ESYT3: variants seen among roughly 807,000 people sequenced by gnomAD.
ESYT3 encodes extended synaptotagmin-3.
ESYT3 carries 101 observed loss-of-function variants against 111.5 expected under a neutral mutation model. The ratio of observed to expected loss-of-function variants is 0.91; its 90% CI spans 0.77 to 1.07. The LOEUF (loss-of-function observed/expected upper bound fraction) is 1.07. Ranked by LOEUF, ESYT3 falls within the 50% of genes least tolerant of loss-of-function variation. The pLI is 0.00. For missense variants in ESYT3, 1,097 were observed against 1,109.4 expected (o/e 0.99, Z 0.16); for synonymous variants, 416 against 446.8 (o/e 0.93, Z 0.87).
chr3:138,465,273 C>A, intron 9 of ESYT3, 66 bp from the exon 10 acceptor site: 1 of 1,243,618 alleles, frequency 8.0e-7, no homozygotes, highest in South Asian at 1.4e-5. Context: ...CATGATTTGG[C>A]TCCCTTTGGG....
At chr3:138,471,321 C>T (rs1162444269) in intron 17 of ESYT3, among the ~76,000 whole-genome samples, 1 of 152,216 alleles carries the variant, frequency 6.6e-6, no homozygotes, top group Non-Finnish European at 1.5e-5. Context: ...TATTTCCCTT[C>T]TCTGTATTCA....
At chr3:138,447,267 G>T (rs1175847068) in intron 1 of ESYT3, among the ~76,000 whole-genome samples, 1 of 152,158 alleles carries the variant, frequency 6.6e-6, no homozygotes, top group Admixed American at 6.5e-5. Flanking sequence ...AATTAATCAT[G>T]TACTAGGCCA....
chr3:138,467,628 ACC>A lies in ESYT3; in HGVS notation c.1218+21_1218+22del. The A allele has an allele frequency of 6.2e-7, 1 of 1,613,536 alleles. No homozygotes were observed. The highest frequency in any genetic ancestry group is 8.5e-7 in the Non-Finnish European group (1 of 1,179,688). On this transcript the variant is annotated intron_variant, in intron 11 of 22. Coordinates refer to ENST00000389567, the MANE Select transcript of ESYT3 (RefSeq NM_031913.5). Reference sequence around the variant, plus strand: ...GGATGAGGTACAGTTGGTGCTTGCAACCCTCGGGGGAGTTTCAAGGTAGCCCT... The same window carrying A: ...GGATGAGGTACAGTTGGTGCTTGCAACTCGGGGGAGTTTCAAGGTAGCCCT...
In ESYT3 at chr3:138,475,210, A is replaced by G. The variant is rs974103217; in HGVS notation, c.2468+858A>G. Among the ~76,000 whole-genome samples, 6 of 152,148 alleles carry G rather than the reference A, an allele frequency of 3.9e-5. 1 individual carries two copies. Among genetic ancestry groups the G allele is most frequent in the Non-Finnish European group, 5.9e-5 (4 of 68,030 alleles). ...TACTCTAGAGCCACACAAGTAAGAG[A>G]TTTTGCCTTCAAAGGGAGCTCTGAC... On this transcript the variant is annotated intron_variant, in intron 20 of 22. Coordinates refer to ENST00000389567, the MANE Select transcript of ESYT3 (RefSeq NM_031913.5).
intron 9 of ESYT3, among the ~76,000 whole-genome samples, chr3:138,464,932 C>CCCTCTCAACTTCT (rs1240833652): frequency 6.6e-6 from 1 of 152,174 alleles, no homozygotes; most frequent in East Asian, 1.9e-4. Context: ...CTTAGGTGAC[C>CCCTCTCAACTTCT]CCTCTCAACT....
chr3:138,451,428 T>A (rs1332912358), intron 1 of ESYT3, among the ~76,000 whole-genome samples: 3 of 152,202 alleles, frequency 2.0e-5, no homozygotes, highest in Non-Finnish European at 2.9e-5. Context: ...TTCCCTAATA[T>A]TTTTTCTTTT....
At chr3:138,436,650 A>T (rs1019240913) in intron 1 of ESYT3, among the ~76,000 whole-genome samples, 3 of 152,202 alleles carry the variant, frequency 2.0e-5, no homozygotes, top group Non-Finnish European at 2.9e-5. Flanking sequence ...CCTGACTCCC[A>T]CAGACTTTGG....
At chr3:138,470,401 C>T in intron 16 of ESYT3, 1 of 1,185,752 alleles carries the variant, frequency 8.4e-7, no homozygotes, top group Non-Finnish European at 1.1e-6. Context: ...TTTATATTTG[C>T]TACACAGTAC....
At chr3:138,455,372 C>G (rs771223316) in intron 3 of ESYT3, 44 bp downstream of exon 3, 2 of 1,607,374 alleles carry the variant, frequency 1.2e-6, no homozygotes, top group Non-Finnish European at 1.7e-6. Flanking sequence ...GCTGTGCAGT[C>G]TTCTCTCTGT....
intron 1 of ESYT3, among the ~76,000 whole-genome samples, chr3:138,447,918 A>G (rs2031650435): frequency 6.6e-6 from 1 of 152,068 alleles, no homozygotes; most frequent in African/African-American, 2.4e-5. Flanking sequence ...TAAAATTCAT[A>G]CAGAACAATA....
chr3:138,449,374 T>TAGTTCA (rs1175511472), intron 1 of ESYT3, among the ~76,000 whole-genome samples: 4 of 152,048 alleles, frequency 2.6e-5, no homozygotes, highest in Non-Finnish European at 5.9e-5. Context: ...GCATGAGACA[T>TAGTTCA]AGTTCCCGGC....
rs2108633362 is a variant in ESYT3 at position 138,476,253 on chromosome 3, AAAG to A, written c.2504_2506del (p.Lys835del). On this transcript the variant is annotated inframe_deletion, in exon 21 of 23. Coordinates refer to ENST00000389567, the MANE Select transcript of ESYT3 (RefSeq NM_031913.5). ...AATTTTTTGTTCCCATGGAAGAAGT[AAAG>A]AAGAGGTCACTAGATGTTGCAGTGA... is the stretch of plus-strand genomic sequence containing the variant. 1.2e-6 allele frequency: 2 copies of A among 1,613,724 alleles called. No homozygotes were observed. The highest frequency in any genetic ancestry group is 2.2e-5 in the East Asian group (1 of 44,874).
At chr3:138,441,372 G>A (rs1472807988) in intron 1 of ESYT3, among the ~76,000 whole-genome samples, 1 of 152,194 alleles carries the variant, frequency 6.6e-6, no homozygotes, top group Non-Finnish European at 1.5e-5. Context: ...GCCATGAGTA[G>A]GGACAGACCC....
intron 10 of ESYT3, among the ~76,000 whole-genome samples, chr3:138,466,171 C>A (rs2032917480): frequency 6.6e-6 from 1 of 152,156 alleles, no homozygotes; most frequent in Non-Finnish European, 1.5e-5. Flanking sequence ...GGGAGAGGAA[C>A]CTTGAATGCG....
intron 10 of ESYT3, among the ~76,000 whole-genome samples, chr3:138,466,429 C>G (rs2032931313): frequency 4.6e-5 from 7 of 152,174 alleles, no homozygotes; most frequent in Admixed American, 4.6e-4. Flanking sequence ...CATAGATTCA[C>G]CACCAGATGT....
At chr3:138,447,989 C>T (rs938258322) in intron 1 of ESYT3, among the ~76,000 whole-genome samples, 2 of 151,762 alleles carry the variant, frequency 1.3e-5, no homozygotes, top group East Asian at 1.9e-4. Flanking sequence ...AATCGGCGGC[C>T]GGGTGTGGTG....
Position 138,465,471 on chromosome 3 carries a change from C to T in ESYT3, c.1169+50C>T, listed in dbSNP as rs781079282. 105 of 1,460,094 alleles carry T rather than the reference C, an allele frequency of 7.2e-5. 1 individual carries two copies. Among genetic ancestry groups the T allele is most frequent in the Admixed American group, 4.9e-4 (25 of 51,070 alleles). The allele number at this position is 1,460,094 out of a possible 1,614,324, so 90.4% of individuals were successfully genotyped here. The stretch of plus-strand genomic sequence containing the variant: ...GCCTGGAGGCAGCCTTCCCTCCCTG[C>T]GGGGTGCTGGGCTAGATACCCTGCT... On this transcript the variant is annotated intron_variant, in intron 10 of 22. Transcript: ENST00000389567.
chr3:138,445,148 C>T (rs1051485153), intron 1 of ESYT3, among the ~76,000 whole-genome samples: 1 of 152,336 alleles, frequency 6.6e-6, no homozygotes, highest in African/African-American at 2.4e-5. Flanking sequence ...GTCTGAGAAT[C>T]GCTGCAGAGC....
At chr3:138,463,533 T>G (rs886196347) in intron 8 of ESYT3, among the ~76,000 whole-genome samples, 2 of 152,230 alleles carry the variant, frequency 1.3e-5, no homozygotes, top group Non-Finnish European at 2.9e-5. Context: ...ACAGTTCCTA[T>G]TGATGGACCA....
Sources: gnomAD v4.1 joint callset for allele counts (sites outside exome capture counted in the v4.1 genomes callset) on GRCh38, gnomAD v4.1.1 for gene constraint, MANE v1.5 for transcripts, NCBI Gene and HGNC (gene_info 2026-07-23, HGNC 2026-07-21) for gene names.